ADAMTS17: variants seen among roughly 807,000 people sequenced by gnomAD.
ADAMTS17 encodes A disintegrin and metalloproteinase with thrombospondin motifs 17.
In ADAMTS17, 113 loss-of-function variants were observed where a neutral mutation model predicts 141.5. The observed-to-expected ratio is 0.80, with a 90% confidence interval of 0.69 to 0.93. The LOEUF (loss-of-function observed/expected upper bound fraction) is 0.93. Among genes scored for constraint, ADAMTS17 ranks in the 40% least tolerant of loss-of-function variants. The pLI, the probability that ADAMTS17 is intolerant of heterozygous loss-of-function variation, is 0.00. For missense variants in ADAMTS17, 1,659 were observed against 1,517.9 expected, an observed-to-expected ratio of 1.09 and a Z score of -1.54; for synonymous variants, 768 against 630.6, an observed-to-expected ratio of 1.22 and a Z score of -3.27.
At chr15:100,300,217 A>G (rs1425702856) in intron 3 of ADAMTS17, among the ~76,000 whole-genome samples, 7 of 152,082 alleles carry the variant, frequency 4.6e-5, no homozygotes, top group Non-Finnish European at 8.8e-5. Flanking sequence ...CAGAAGCCCC[A>G]GATGTCCCTC....
At chr15:100,225,596 G>A (rs1470275322) in intron 7 of ADAMTS17, among the ~76,000 whole-genome samples, 2 of 146,842 alleles carry the variant, frequency 1.4e-5, no homozygotes, top group Non-Finnish European at 3.0e-5. Flanking sequence ...CGGTCTCTGT[G>A]CCATTCAGTC....
At chr15:100,302,566 C>T (rs1016752722) in intron 3 of ADAMTS17, among the ~76,000 whole-genome samples, 1 of 152,164 alleles carries the variant, frequency 6.6e-6, no homozygotes, top group Admixed American at 6.5e-5. Context: ...CATTTGCTAT[C>T]TTTTTTACTA....
At chr15:100,186,171 C>A (rs1361353618) in intron 8 of ADAMTS17, among the ~76,000 whole-genome samples, 1 of 152,178 alleles carries the variant, frequency 6.6e-6, no homozygotes, top group African/African-American at 2.4e-5. Flanking sequence ...TACTCGCTGG[C>A]AGTGATACTG....
At chr15:100,254,038 G>C in intron 7 of ADAMTS17, 98 bp downstream of exon 7, 2 of 1,160,618 alleles carry the variant, frequency 1.7e-6, no homozygotes, top group Non-Finnish European at 1.3e-6. Context: ...AATGTGCAGT[G>C]CTTGTTTGAG....
chr15:100,236,082 C>T (rs2042644469), intron 7 of ADAMTS17, among the ~76,000 whole-genome samples: 1 of 152,130 alleles, frequency 6.6e-6, no homozygotes, highest in South Asian at 2.1e-4. Context: ...ACCAGTGACT[C>T]AATTACCATC....
intron 8 of ADAMTS17, among the ~76,000 whole-genome samples, chr15:100,168,952 C>T (rs2040055146): frequency 6.6e-6 from 1 of 152,236 alleles, no homozygotes; most frequent in Admixed American, 6.5e-5. Flanking sequence ...TAGCACATTC[C>T]CCGGAGGGGC....
intron 15 of ADAMTS17, among the ~76,000 whole-genome samples, chr15:100,065,455 G>A (rs1046940587): frequency 6.6e-6 from 1 of 152,144 alleles, no homozygotes; most frequent in African/African-American, 2.4e-5. Context: ...TTTTGGCTGA[G>A]TTTCTATGTA....
chr15:99,978,509 G>C (rs1037229458), intron 20 of ADAMTS17: 1 of 152,344 alleles, frequency 6.6e-6, no homozygotes, highest in South Asian at 2.1e-4. Context: ...CCTTTTCTTA[G>C]ATAAACCCTT....
intron 15 of ADAMTS17, among the ~76,000 whole-genome samples, chr15:100,056,723 C>T (rs1057272857): frequency 3.9e-5 from 6 of 152,134 alleles, no homozygotes; most frequent in Non-Finnish European, 8.8e-5. Context: ...GGGACTTCTG[C>T]TTGAAGAAAC....
At chr15:100,289,090 T>C (rs570715884) in intron 3 of ADAMTS17, among the ~76,000 whole-genome samples, 36 of 152,246 alleles carry the variant, frequency 2.4e-4, no homozygotes, top group African/African-American at 8.4e-4. Flanking sequence ...ATAAGATTGG[T>C]AGACCTCTAG....
chr15:100,111,964 C>A (rs959164462), intron 13 of ADAMTS17, among the ~76,000 whole-genome samples: 2 of 152,190 alleles, frequency 1.3e-5, no homozygotes, highest in African/African-American at 4.8e-5. Context: ...ACTCCTAGGG[C>A]CAAAATTACC....
chr15:100,019,017 G>A (rs928365195), intron 18 of ADAMTS17, among the ~76,000 whole-genome samples: 9 of 152,130 alleles, frequency 5.9e-5, no homozygotes, highest in Non-Finnish European at 1.2e-4. Context: ...ACCAGAAAAC[G>A]ACATTCACTC....
At chr15:100,258,963 C>A (rs1349578776) in intron 6 of ADAMTS17, among the ~76,000 whole-genome samples, 1 of 151,906 alleles carries the variant, frequency 6.6e-6, no homozygotes, top group Non-Finnish European at 1.5e-5. Flanking sequence ...AAAAAAAATG[C>A]CATTCATCCC....
At chr15:100,209,052 G>T (rs145919006) in intron 7 of ADAMTS17, among the ~76,000 whole-genome samples, 105 of 136,284 alleles carry the variant, frequency 7.7e-4, no homozygotes, top group African/African-American at 2.8e-3. Flanking sequence ...CCCTCTTATA[G>T]CCGTATTTCT....
chr15:100,004,056 G>C (rs2060983635), intron 18 of ADAMTS17, among the ~76,000 whole-genome samples: 2 of 152,256 alleles, frequency 1.3e-5, no homozygotes, highest in African/African-American at 4.8e-5. Context: ...GATGTCAGTG[G>C]GTGGTTAGAA....
At chr15:100,224,215 A>T (rs2042229597) in intron 7 of ADAMTS17, among the ~76,000 whole-genome samples, 1 of 152,160 alleles carries the variant, frequency 6.6e-6, no homozygotes. Context: ...ATTAACCATC[A>T]TGGTGGGGAT....
At chr15:100,037,322 T>C (rs1207260391) in intron 18 of ADAMTS17, among the ~76,000 whole-genome samples, 1 of 152,258 alleles carries the variant, frequency 6.6e-6, no homozygotes, top group African/African-American at 2.4e-5. Flanking sequence ...TTTAGAGGAA[T>C]GTCTGTTCAG....
chr15:100,155,281 A>G lies in ADAMTS17; in HGVS notation c.1221T>C (p.Ala407=). 6.2e-7 allele frequency: 1 copy of G among 1,614,218 alleles called. No homozygotes were observed. The highest frequency in any genetic ancestry group is 8.5e-7 in the Non-Finnish European group (1 of 1,180,022). ...CTCCTGACATGATGTGGGACCTGCCAGCGCAAGATGAGTGGTCATCGTCGT... is the reference window on the plus strand; with the variant it reads ...CTCCTGACATGATGTGGGACCTGCCGGCGCAAGATGAGTGGTCATCGTCGT... The part of the protein sequence containing the change: ...MNHDDDHSSC[A]GRSHIMSGEW... The change falls in exon 9 of 22, where the codon GCT becomes GCC. Residue 407 remains alanine, a synonymous_variant. Coordinates refer to ENST00000268070, the MANE Select transcript of ADAMTS17 (RefSeq NM_139057.4).
intron 15 of ADAMTS17, among the ~76,000 whole-genome samples, chr15:100,057,945 T>G (rs115639563): frequency 0.014 from 2,080 of 152,168 alleles, 44 homozygotes; most frequent in African/African-American, 0.046. Flanking sequence ...TCACACATGC[T>G]TTTTGGAGGT....
Sources: allele counts gnomAD v4.1 joint callset (sites outside exome capture counted in the v4.1 genomes callset), GRCh38; gene constraint gnomAD v4.1.1; transcripts MANE v1.5; gene names NCBI Gene and HGNC (gene_info 2026-07-23, HGNC 2026-07-21).